LRP1B: variants seen among roughly 807,000 people sequenced by gnomAD.
The protein encoded by LRP1B is low-density lipoprotein receptor-related protein 1B.
In LRP1B, 217 loss-of-function variants were observed where a neutral mutation model predicts 556.6. The observed-to-expected ratio is 0.39, with a 90% CI of 0.35 to 0.44. The LOEUF is 0.44. Among genes scored for constraint, LRP1B ranks in the 20% least tolerant of loss-of-function variants. LRP1B has a pLI of 1.00. For missense variants in LRP1B, 5,053 were observed against 5,620.8 expected (o/e 0.90, Z 3.23); for synonymous variants, 2,047 against 1,865.8 (o/e 1.10, Z -2.50).
chr2:141,574,013 A>C (rs1300070331), intron 2 of LRP1B, among the ~76,000 whole-genome samples: 2 of 152,118 alleles, frequency 1.3e-5, no homozygotes, highest in African/African-American at 2.4e-5. Flanking sequence ...TTCTACCAGA[A>C]GTACAAAGAG....
chr2:141,040,971 C>A (rs1388584857), intron 11 of LRP1B, among the ~76,000 whole-genome samples: 2 of 152,092 alleles, frequency 1.3e-5, no homozygotes, highest in African/African-American at 4.8e-5. Context: ...AAAAGAGAAA[C>A]CTACCTTGGA....
intron 2 of LRP1B, among the ~76,000 whole-genome samples, chr2:141,718,097 A>AT (rs978028963): frequency 7.9e-5 from 12 of 152,218 alleles, no homozygotes; most frequent in Admixed American, 5.9e-4. Context: ...CCAGCTATGC[A>AT]TTTTTTTCTG....
At chr2:140,432,208 C>A (rs991380490) in intron 66 of LRP1B, among the ~76,000 whole-genome samples, 4 of 152,164 alleles carry the variant, frequency 2.6e-5, no homozygotes, top group Admixed American at 6.5e-5. Flanking sequence ...GTGACCCCCA[C>A]ATCTGCCCAC....
At chr2:140,592,692 T>C (rs1297735561) in intron 43 of LRP1B, among the ~76,000 whole-genome samples, 2 of 152,138 alleles carry the variant, frequency 1.3e-5, no homozygotes, top group Non-Finnish European at 2.9e-5. Flanking sequence ...TAGATGCATA[T>C]AGATGATAAG....
intron 35 of LRP1B, among the ~76,000 whole-genome samples, chr2:140,738,252 A>G (rs1688015323): frequency 1.3e-5 from 2 of 152,128 alleles, no homozygotes; most frequent in African/African-American, 4.8e-5. Flanking sequence ...GTGGCCTGAG[A>G]TCAATTACAA....
intron 32 of LRP1B, among the ~76,000 whole-genome samples, chr2:140,795,783 A>G (rs145837194): frequency 1.5e-3 from 236 of 152,272 alleles, no homozygotes; most frequent in African/African-American, 4.4e-3. Flanking sequence ...TAAACTCGCC[A>G]GATGAGGACA....
intron 12 of LRP1B, among the ~76,000 whole-genome samples, chr2:141,019,381 C>G (rs1210147419): frequency 6.6e-6 from 1 of 151,974 alleles, no homozygotes; most frequent in Non-Finnish European, 1.5e-5. Context: ...TAAATGTAGA[C>G]CCAGTCTTTT....
intron 79 of LRP1B, 119 bp downstream of exon 79, chr2:140,334,334 T>C: frequency 1.5e-6 from 1 of 651,176 alleles, no homozygotes; most frequent in Non-Finnish European, 2.7e-6. Context: ...AAAATCATAC[T>C]CTAAATAGTT....
Position 141,204,987 on chromosome 2 carries a change from G to A in LRP1B, c.851-16404C>T, listed in dbSNP as rs1299036756. Among the ~76,000 whole-genome samples the A allele has an allele frequency of 2.6e-5, 4 of 151,836 alleles. 1 individual carries two copies. Among genetic ancestry groups the A allele is most frequent in the Middle Eastern group, 6.3e-3 (2 of 316 alleles). ...AAAGAATTTTAGAAATGTATATGAG[G>A]CATATACATTACATAATAGCTCAAT... On this transcript the variant is annotated intron_variant, in intron 6 of 90. Transcript: ENST00000389484.
intron 3 of LRP1B, among the ~76,000 whole-genome samples, chr2:141,437,643 A>T (rs1483332944): frequency 6.6e-6 from 1 of 151,942 alleles, no homozygotes; most frequent in Non-Finnish European, 1.5e-5. Context: ...GGGGAAAAAA[A>T]TCTCAGGGGT....
intron 74 of LRP1B, 133 bp downstream of exon 74, chr2:140,357,846 A>G (rs556442892): frequency 6.8e-6 from 7 of 1,022,896 alleles, no homozygotes; most frequent in Non-Finnish European, 9.7e-6. Context: ...TGCTTTGGCA[A>G]AGGTTTTTGA....
At chr2:141,229,037 G>C in intron 6 of LRP1B, 146 bp downstream of exon 6, 1 of 754,022 alleles carries the variant, frequency 1.3e-6, no homozygotes, top group Non-Finnish European at 2.2e-6. Flanking sequence ...AAAACATGTA[G>C]TGAATACAGT....
intron 27 of LRP1B, among the ~76,000 whole-genome samples, chr2:140,858,847 T>A (rs1318552159): frequency 6.6e-6 from 1 of 152,208 alleles, no homozygotes; most frequent in East Asian, 1.9e-4. Flanking sequence ...TAGTTTTCTG[T>A]TCCTGCTTTA....
intron 32 of LRP1B, among the ~76,000 whole-genome samples, chr2:140,812,206 A>G (rs1446614911): frequency 6.6e-6 from 1 of 152,126 alleles, no homozygotes; most frequent in East Asian, 1.9e-4. Flanking sequence ...TAGGCATCAG[A>G]TGCCAACTTT....
intron 1 of LRP1B, among the ~76,000 whole-genome samples, chr2:141,838,017 G>A (rs865833527): frequency 1.1e-4 from 16 of 152,004 alleles, no homozygotes; most frequent in African/African-American, 3.4e-4. Flanking sequence ...ACGTGGAGCC[G>A]GGTAGGGTCC....
chr2:140,977,773 G>C (rs1159653696), intron 18 of LRP1B, among the ~76,000 whole-genome samples: 3 of 152,208 alleles, frequency 2.0e-5, no homozygotes, highest in East Asian at 3.9e-4. Flanking sequence ...TGTATGTCTT[G>C]AGTTTTCAAA....
At chr2:142,044,411 A>G (rs1359105145) in intron 1 of LRP1B, among the ~76,000 whole-genome samples, 2 of 151,712 alleles carry the variant, frequency 1.3e-5, no homozygotes, top group Non-Finnish European at 2.9e-5. Context: ...ACCGATATAA[A>G]TCAGTACAGT....
At chr2:140,370,407 T>C (rs1020962728) in intron 71 of LRP1B, among the ~76,000 whole-genome samples, 1 of 152,008 alleles carries the variant, frequency 6.6e-6, no homozygotes, top group Non-Finnish European at 1.5e-5. Flanking sequence ...TTTCATTGGC[T>C]ACTTTCTCTG....
chr2:141,050,215 T>G (rs1229159827), intron 10 of LRP1B, among the ~76,000 whole-genome samples: 1 of 151,760 alleles, frequency 6.6e-6, no homozygotes, highest in African/African-American at 2.4e-5. Flanking sequence ...AAATAAAAAA[T>G]AAGCAATTAT....
Sources: allele counts gnomAD v4.1 joint callset (sites outside exome capture counted in the v4.1 genomes callset), GRCh38; gene constraint gnomAD v4.1.1; transcripts MANE v1.5; gene names NCBI Gene and HGNC (gene_info 2026-07-23, HGNC 2026-07-21).